Variants in PRKCH observed in about 807,000 individuals in gnomAD.
PRKCH encodes the protein protein kinase C eta.
A neutral mutation model predicts 82.5 loss-of-function variants in PRKCH; 28 were observed. The observed-to-expected ratio is 0.34, with a 90% CI of 0.25 to 0.47. The LOEUF (loss-of-function observed/expected upper bound fraction) is 0.47. PRKCH is among the 20% of genes least tolerant of loss of function. The pLI, the probability that PRKCH is intolerant of heterozygous loss-of-function variation, is 1.00. For synonymous variants in PRKCH, 322 were observed against 327.4 expected (o/e 0.98, Z 0.18); for missense variants, 705 against 881.8 (o/e 0.80, Z 2.54).
At chr14:61,237,086 A>G (rs1200108930) in intron 1 of PRKCH, among the ~76,000 whole-genome samples, 1 of 151,930 alleles carries the variant, frequency 6.6e-6, no homozygotes, top group Non-Finnish European at 1.5e-5. Flanking sequence ...GGGTCTGGAT[A>G]CAGACCCCCT....
chr14:61,501,428 G>C (rs1339163646), intron 10 of PRKCH, among the ~76,000 whole-genome samples: 1 of 151,886 alleles, frequency 6.6e-6, no homozygotes, highest in African/African-American at 2.4e-5. Context: ...AGAGATGTGT[G>C]CTCATTTTAA....
At chr14:61,403,505 A>G (rs1881774414) in intron 2 of PRKCH, among the ~76,000 whole-genome samples, 1 of 152,214 alleles carries the variant, frequency 6.6e-6, no homozygotes, top group Non-Finnish European at 1.5e-5. Context: ...AGTTTTTGTT[A>G]TAAGCCTGTT....
At chr14:61,515,087 C>T (rs1052928460) in intron 10 of PRKCH, among the ~76,000 whole-genome samples, 20 of 152,166 alleles carry the variant, frequency 1.3e-4, no homozygotes, top group African/African-American at 3.9e-4. Context: ...CTGCAGGTGG[C>T]CTTGCATGGT....
At chr14:61,499,812 G>A (rs1437249508) in intron 10 of PRKCH, among the ~76,000 whole-genome samples, 3 of 150,928 alleles carry the variant, frequency 2.0e-5, no homozygotes, top group Admixed American at 6.6e-5. Context: ...TGGAAATTTC[G>A]CCTTTCTGTT....
chr14:61,345,249 G>T (rs1438449405), intron 1 of PRKCH, among the ~76,000 whole-genome samples: 1 of 152,216 alleles, frequency 6.6e-6, no homozygotes, highest in African/African-American at 2.4e-5. Flanking sequence ...AGAAAGAATA[G>T]ATTGTTGTGA....
At chr14:61,500,168 T>C (rs1886841489) in intron 10 of PRKCH, among the ~76,000 whole-genome samples, 1 of 151,636 alleles carries the variant, frequency 6.6e-6, no homozygotes, top group Admixed American at 6.6e-5. Context: ...TGAACTGAGT[T>C]ATGTTATTAT....
At chr14:61,221,173 C>T (rs146274368) in intron 1 of PRKCH, among the ~76,000 whole-genome samples, 65 of 152,216 alleles carry the variant, frequency 4.3e-4, no homozygotes, top group African/African-American at 1.4e-3. Flanking sequence ...CAACAGCGAT[C>T]GGCTCAGAGG....
chr14:61,240,161 C>T (rs117648023), intron 1 of PRKCH, among the ~76,000 whole-genome samples: 7,275 of 152,160 alleles, frequency 0.048, 234 homozygotes, highest in Middle Eastern at 0.095. Flanking sequence ...AAGATTGACA[C>T]GGACACACGT....
At chr14:61,248,165 A>ATTT (rs1252829290) in intron 1 of PRKCH, among the ~76,000 whole-genome samples, 2 of 152,076 alleles carry the variant, frequency 1.3e-5, no homozygotes, top group African/African-American at 4.8e-5. Context: ...TATCCTCTAG[A>ATTT]TGTCTTTATC....
rs773135141 is a variant in PRKCH, at chr14:61,391,275, G to C, written c.414G>C (p.Gly138=). The C allele has an allele frequency of 8.1e-6, 13 of 1,610,062 alleles. No individual in the cohort carries two copies. Among genetic ancestry groups the C allele is most frequent in the Non-Finnish European group, 1.1e-5 (13 of 1,178,322 alleles). The part of the protein sequence containing the change: ...GKVFVVITLT[G]SFTEATLQRD... ...TATTTGTGGTAATAACCCTTACCGG[G>C]AGTTTCACTGAAGGTAAGAATGAGT... Residue 138 remains glycine (G), a synonymous_variant, in exon 2 of 14, where the codon GGG becomes GGC. Transcript: ENST00000332981.
At chr14:61,470,908 G>A (rs569774044) in intron 9 of PRKCH, among the ~76,000 whole-genome samples, 4 of 152,170 alleles carry the variant, frequency 2.6e-5, no homozygotes, top group Non-Finnish European at 5.9e-5. Flanking sequence ...GTGTTTGTCA[G>A]TCAGCTTCCT....
At chr14:61,407,049 C>T in intron 2 of PRKCH, among the ~76,000 whole-genome samples, 1 of 152,184 alleles carries the variant, frequency 6.6e-6, no homozygotes, top group Middle Eastern at 3.4e-3. Flanking sequence ...TGGGATGTAT[C>T]TGCTACTCAG....
chr14:61,429,259 A>G (rs552251961), intron 2 of PRKCH, among the ~76,000 whole-genome samples: 2 of 150,176 alleles, frequency 1.3e-5, no homozygotes, highest in South Asian at 2.1e-4. Context: ...AGATTTTTAT[A>G]CCATTTTCAT....
chr14:61,270,820 A>T (rs1279692306), intron 1 of PRKCH, among the ~76,000 whole-genome samples: 1 of 152,204 alleles, frequency 6.6e-6, no homozygotes, highest in African/African-American at 2.4e-5. Flanking sequence ...AAAAAAATTT[A>T]AAAATTAGCT....
intron 1 of PRKCH, among the ~76,000 whole-genome samples, chr14:61,239,471 T>G (rs892862158): frequency 6.6e-6 from 1 of 152,204 alleles, no homozygotes; most frequent in African/African-American, 2.4e-5. Flanking sequence ...CTCAATCTGA[T>G]GTAACTGCTT....
At chr14:61,387,347 A>T (rs1237723173) in intron 1 of PRKCH, among the ~76,000 whole-genome samples, 1 of 152,244 alleles carries the variant, frequency 6.6e-6, no homozygotes, top group African/African-American at 2.4e-5. Flanking sequence ...TTAGGGGCAG[A>T]ATCCCAGATG....
rs530345124 is a variant in PRKCH, at chr14:61,529,915, T to A, written c.1573-492T>A. Among the ~76,000 whole-genome samples, 148 of 124,690 alleles carry A rather than the reference T, an allele frequency of 1.2e-3. 1 individual carries two copies. The highest frequency in any genetic ancestry group is 6.1e-3 in the East Asian group (29 of 4,790). 81.8% of individuals were successfully genotyped at this position (124,690 alleles called of 152,430 possible). A position where few individuals can be genotyped will look rare whatever the true frequency, so the allele number is the denominator to read the frequency against. On this transcript the variant is annotated intron_variant, in intron 11 of 13. Coordinates refer to ENST00000332981, the MANE Select transcript of PRKCH (RefSeq NM_006255.5). ...AAACTTAAAGTATAATAAAAAAAAATATATATATATATGTAAACTTTGCAG... is the reference window on the plus strand; with the variant it reads ...AAACTTAAAGTATAATAAAAAAAAAAATATATATATATGTAAACTTTGCAG...
At chr14:61,458,757 GGA>G (rs1196731574) in intron 9 of PRKCH, among the ~76,000 whole-genome samples, 1 of 151,974 alleles carries the variant, frequency 6.6e-6, no homozygotes, top group Non-Finnish European at 1.5e-5. Flanking sequence ...CGTGACAGCA[GGA>G]GAGAGAGAGA....
intron 1 of PRKCH, among the ~76,000 whole-genome samples, chr14:61,387,058 G>C (rs1457157034): frequency 2.0e-5 from 3 of 152,176 alleles, no homozygotes; most frequent in South Asian, 4.1e-4. Flanking sequence ...GTAGCTCAGT[G>C]GGGGGACAAC....
Sources: gnomAD v4.1 joint callset for allele counts (sites outside exome capture counted in the v4.1 genomes callset) on GRCh38, gnomAD v4.1.1 for gene constraint, MANE v1.5 for transcripts, NCBI Gene and HGNC (gene_info 2026-07-23, HGNC 2026-07-21) for gene names.